Variants in TEK observed in about 807,000 individuals in gnomAD.
TEK encodes the protein TEK receptor tyrosine kinase.
TEK carries 43 observed loss-of-function variants against 131.8 expected under a neutral mutation model. The ratio of observed to expected loss-of-function variants is 0.33; its 90% CI spans 0.26 to 0.42. The LOEUF (loss-of-function observed/expected upper bound fraction) is 0.42, where lower values mean the gene tolerates loss of function less well. TEK is among the 10% of genes least tolerant of loss of function. The pLI is 1.00. For synonymous variants in TEK, 580 were observed against 491.6 expected (o/e 1.18, Z -2.38); for missense variants, 1,162 against 1,384.4 (o/e 0.84, Z 2.55).
In TEK at chr9:27,212,634, C is replaced by G. The variant is rs115109924; in HGVS notation, c.2687-73C>G. ...ACAAAATGGAGTTTATAGGCAATTT[C>G]CACAGCACATCTCTTAAATGTCATA... On this transcript the variant is annotated intron_variant, in intron 16 of 22. Coordinates refer to ENST00000380036, the MANE Select transcript of TEK (RefSeq NM_000459.5). 1.7e-4 allele frequency: 270 copies of G among 1,548,188 alleles called. 1 individual carries two copies. The African/African-American group carries it at 3.5e-3, about 20-fold the overall frequency.
chr9:27,222,257 G>GGGGAGAATGGAACCAA (rs1445453254), intron 21 of TEK, among the ~76,000 whole-genome samples: 6 of 152,014 alleles, frequency 3.9e-5, no homozygotes, highest in East Asian at 3.9e-4. Flanking sequence ...TGAAAGTGAT[G>GGGGAGAATGGAACCAA]GGGAGAATGG....
intron 12 of TEK, among the ~76,000 whole-genome samples, chr9:27,201,097 T>A (rs975724228): frequency 6.6e-6 from 1 of 152,194 alleles, no homozygotes; most frequent in African/African-American, 2.4e-5. Context: ...AAGGTCTGAT[T>A]AGTGTTTCCT....
chr9:27,219,930 G>A (rs1159146184), intron 20 of TEK, 119 bp from the exon 21 acceptor site: 2 of 1,005,746 alleles, frequency 2.0e-6, no homozygotes, highest in East Asian at 4.8e-5. Context: ...CATGCAGGAT[G>A]CTCACCCTCT....
chr9:27,181,102 A>G (rs1162679630), intron 7 of TEK, among the ~76,000 whole-genome samples: 1 of 152,146 alleles, frequency 6.6e-6, no homozygotes, highest in Admixed American at 6.6e-5. Context: ...CTTAAACAAC[A>G]TGGGGGCTAG....
intron 1 of TEK, among the ~76,000 whole-genome samples, chr9:27,127,028 G>A (rs1587486689): frequency 6.6e-6 from 1 of 152,306 alleles, no homozygotes; most frequent in South Asian, 2.1e-4. Context: ...AGCAGAAAGT[G>A]CAGTTTTGTT....
At chr9:27,150,707 C>T (rs1258292159) in intron 1 of TEK, among the ~76,000 whole-genome samples, 4 of 152,174 alleles carry the variant, frequency 2.6e-5, no homozygotes, top group Non-Finnish European at 5.9e-5. Flanking sequence ...TCCTGCACCC[C>T]CACTGCCTCA....
chr9:27,157,365 G>A lies in TEK; in HGVS notation c.53-466G>A, dbSNP rs573423812. On this transcript the variant is annotated intron_variant, in intron 1 of 22. Coordinates refer to ENST00000380036, the MANE Select transcript of TEK (RefSeq NM_000459.5). ...CTTGAGGTATTTAATGTGGAATTGT[G>A]CAATTCTTTAAAAATGAGAATCTAT... Among the ~76,000 whole-genome samples, 6 of 152,208 alleles carry A rather than the reference G, an allele frequency of 3.9e-5. No individual in the cohort carries two copies. In the South Asian group the frequency reaches 1.2e-3, roughly 32 times the overall value.
chr9:27,210,409 A>T (rs1825565027), intron 16 of TEK: 1 of 190,182 alleles, frequency 5.3e-6, no homozygotes, highest in Admixed American at 5.4e-5. Context: ...GATTCTCTGG[A>T]TGCCCAGGGA....
In TEK at chr9:27,153,036, A is replaced by G. The variant is rs146751560; in HGVS notation, c.53-4795A>G. 1.7e-3 allele frequency among the ~76,000 whole-genome samples: 266 copies of G among 152,328 alleles called. 2 individuals are homozygous for G. Among genetic ancestry groups the G allele is most frequent in the African/African-American group, 6.1e-3 (252 of 41,582 alleles). ...TAGAACACAGAAAATACAGTGAGCAAAACATTTTAGAGGATTGTTATGCTT... is the reference window on the plus strand; with the variant it reads ...TAGAACACAGAAAATACAGTGAGCAGAACATTTTAGAGGATTGTTATGCTT... On this transcript the variant is annotated intron_variant, in intron 1 of 22. Transcript: ENST00000380036.
At chr9:27,169,669 G>T in intron 4 of TEK, 40 bp downstream of exon 4, 1 of 1,612,782 alleles carries the variant, frequency 6.2e-7, no homozygotes, top group Non-Finnish European at 8.5e-7. Context: ...TGGTGTAGTT[G>T]TTAGGTTGTT....
At chr9:27,157,781 G>T in intron 1 of TEK, 50 bp from the exon 2 acceptor site, 1 of 1,595,252 alleles carries the variant, frequency 6.3e-7, no homozygotes, top group Non-Finnish European at 8.6e-7. Flanking sequence ...TACCCAATGG[G>T]GTCATGTTAA....
In TEK at chr9:27,157,871, C is replaced by T; in HGVS notation, c.93C>T (p.Ser31=). 1 of 1,613,960 alleles carries T rather than the reference C, an allele frequency of 6.2e-7. No individual in the cohort carries two copies. The highest frequency in any genetic ancestry group is 8.5e-7 in the Non-Finnish European group (1 of 1,179,996). Reference sequence around the variant, plus strand: ...CCATGGACTTGATCTTGATCAATTCCCTACCTCTTGTATCTGATGCTGAAA... The same window carrying T: ...CCATGGACTTGATCTTGATCAATTCTCTACCTCTTGTATCTGATGCTGAAA... ...EGAMDLILIN[S]LPLVSDAETS... Residue 31 remains serine, a synonymous_variant, in exon 2 of 23, where the codon TCC becomes TCT. Coordinates refer to ENST00000380036, the MANE Select transcript of TEK (RefSeq NM_000459.5).
intron 1 of TEK, among the ~76,000 whole-genome samples, chr9:27,119,816 T>A (rs749061611): frequency 6.6e-6 from 1 of 152,128 alleles, no homozygotes; most frequent in African/African-American, 2.4e-5. Flanking sequence ...TTTTTTTACT[T>A]CTAGTGGAAT....
At chr9:27,131,047 A>G (rs1246922125) in intron 1 of TEK, among the ~76,000 whole-genome samples, 3 of 152,170 alleles carry the variant, frequency 2.0e-5, no homozygotes, top group Non-Finnish European at 2.9e-5. Context: ...CAAGATACCA[A>G]TTTTCCACGT....
intron 1 of TEK, among the ~76,000 whole-genome samples, chr9:27,144,801 C>A (rs2131093001): frequency 6.6e-6 from 1 of 152,268 alleles, no homozygotes; most frequent in Admixed American, 6.5e-5. Flanking sequence ...GAATATGTCC[C>A]CTCTAGTGAG....
At chr9:27,193,248 G>C (rs1824886578) in intron 11 of TEK, among the ~76,000 whole-genome samples, 1 of 152,018 alleles carries the variant, frequency 6.6e-6, no homozygotes, top group South Asian at 2.1e-4. Context: ...TAAATCAGTG[G>C]TTCTCAAACC....
intron 14 of TEK, among the ~76,000 whole-genome samples, chr9:27,205,436 T>C (rs1163224995): frequency 6.6e-6 from 1 of 152,158 alleles, no homozygotes. Flanking sequence ...CAGACCTCAG[T>C]GAGATAGGTA....
chr9:27,218,177 T>G (rs1825898295), intron 19 of TEK, among the ~76,000 whole-genome samples: 2 of 149,458 alleles, frequency 1.3e-5, no homozygotes, highest in East Asian at 2.1e-4. Flanking sequence ...CATCAGAGGC[T>G]GGCGGTGAAA....
In TEK at chr9:27,206,880, A is replaced by T. The variant is rs574783033; in HGVS notation, c.2575+88A>T. ...CTCATTCTTTCCTCTATGGTCTTACAAAAAATTGGCATGGTATCAGACATA... is the reference window on the plus strand; with the variant it reads ...CTCATTCTTTCCTCTATGGTCTTACTAAAAATTGGCATGGTATCAGACATA... On this transcript the variant is annotated intron_variant, in intron 15 of 22. Coordinates refer to ENST00000380036, the MANE Select transcript of TEK (RefSeq NM_000459.5). 3.4e-6 allele frequency: 5 copies of T among 1,461,668 alleles called. No individual in the cohort carries two copies. The South Asian group carries it at 6.0e-5, about 18-fold the overall frequency. 90.5% of individuals were successfully genotyped at this position (1,461,668 alleles called of 1,614,324 possible).
Sources: gnomAD v4.1 joint callset for allele counts (sites outside exome capture counted in the v4.1 genomes callset) on GRCh38, gnomAD v4.1.1 for gene constraint, MANE v1.5 for transcripts, NCBI Gene and HGNC (gene_info 2026-07-23, HGNC 2026-07-21) for gene names.